The following CLTC variants were observed in gnomAD, a reference collection of about 807,000 sequenced individuals.
CLTC encodes the protein clathrin heavy chain.
A neutral mutation model predicts 195.8 loss-of-function variants in CLTC; 16 were observed. The ratio of observed to expected loss-of-function variants is 0.08; its 90% CI spans 0.06 to 0.12. The LOEUF (loss-of-function observed/expected upper bound fraction) is 0.12. Among genes scored for constraint, CLTC ranks in the 10% least tolerant of loss-of-function variants. CLTC has a pLI of 1.00. For synonymous variants in CLTC, 667 were observed against 689.4 expected (o/e 0.97, Z 0.51); for missense variants, 796 against 2,027.0 (o/e 0.39, Z 11.66).
At chr17:59,640,373 T>C (rs916906002) in intron 1 of CLTC, among the ~76,000 whole-genome samples, 1 of 151,814 alleles carries the variant, frequency 6.6e-6, no homozygotes, top group Non-Finnish European at 1.5e-5. Context: ...AATTTAACCT[T>C]CTCTTAGCCA....
intron 30 of CLTC, chr17:59,686,933 T>G (rs1313493284): frequency 2.0e-5 from 18 of 909,662 alleles, no homozygotes; most frequent in Non-Finnish European, 2.2e-5. Context: ...TGTTGCTGAT[T>G]CTACCTTTTT....
intron 1 of CLTC, among the ~76,000 whole-genome samples, chr17:59,640,935 G>A (rs1259408394): frequency 2.0e-5 from 3 of 151,204 alleles, no homozygotes; most frequent in Non-Finnish European, 3.0e-5. Flanking sequence ...TCTGGCCAAC[G>A]TGGTCAAACC....
chr17:59,660,311 T>C (rs2032579963), intron 6 of CLTC, 80 bp from the exon 7 acceptor site: 1 of 1,246,190 alleles, frequency 8.0e-7, no homozygotes, highest in African/African-American at 1.5e-5. Context: ...TGACTCAGTA[T>C]TAACCTGTTC....
At chr17:59,634,014 T>C (rs796168989) in intron 1 of CLTC, among the ~76,000 whole-genome samples, 3 of 152,162 alleles carry the variant, frequency 2.0e-5, no homozygotes, top group African/African-American at 7.2e-5. Context: ...ACTCAAACAA[T>C]CTTCCCACCT....
At chr17:59,669,527 C>G (rs2032800070) in intron 14 of CLTC, among the ~76,000 whole-genome samples, 1 of 152,170 alleles carries the variant, frequency 6.6e-6, no homozygotes, top group African/African-American at 2.4e-5. Flanking sequence ...TTGAGAGATT[C>G]TGAACTCTAG....
At chr17:59,662,601 C>T (rs946266473) in intron 8 of CLTC, among the ~76,000 whole-genome samples, 3 of 152,158 alleles carry the variant, frequency 2.0e-5, no homozygotes, top group African/African-American at 4.8e-5. Flanking sequence ...ATTCTTTCAG[C>T]GTTAGTATAT....
chr17:59,629,111 G>A (rs1459000862), intron 1 of CLTC, among the ~76,000 whole-genome samples: 1 of 152,100 alleles, frequency 6.6e-6, no homozygotes, highest in Non-Finnish European at 1.5e-5. Context: ...ATTTAAAGAT[G>A]AATAATAAGG....
Position 59,694,367 on chromosome 17 carries a change from A to C in CLTC, c.*515A>C, listed in dbSNP as rs2033375483. 3 of 224,312 alleles carry C rather than the reference A, an allele frequency of 1.3e-5. No homozygotes were observed. The highest frequency in any genetic ancestry group is 4.5e-5 in the African/African-American group (2 of 44,828). The allele number at this position is 224,312 out of a possible 1,614,324, so 13.9% of individuals were successfully genotyped here. The stretch of plus-strand genomic sequence containing the variant: ...CACTAATCAGCACATCGTACACTGG[A>C]TTGCAGTGCTTCCCAGATTATTGAA... On this transcript the variant is annotated 3_prime_UTR_variant, in exon 32 of 32. Transcript: ENST00000269122.
At chr17:59,679,342 C>A (rs946139297) in intron 17 of CLTC, 55 bp from the exon 18 acceptor site, 1 of 1,419,604 alleles carries the variant, frequency 7.0e-7, no homozygotes, top group Non-Finnish European at 9.7e-7. Context: ...CTCTAAAATG[C>A]TATAAAAAGT....
intron 1 of CLTC, among the ~76,000 whole-genome samples, chr17:59,643,132 GGTGTGTGTGTGT>G (rs59380117): frequency 2.8e-5 from 4 of 142,232 alleles, no homozygotes; most frequent in African/African-American, 5.5e-5. Flanking sequence ...TCTTTTCTGG[GGTGTGTGTGTGT>G]GTGTGTGTGT....
chr17:59,650,781 A>C (rs771696403), intron 4 of CLTC, among the ~76,000 whole-genome samples: 1 of 152,150 alleles, frequency 6.6e-6, no homozygotes, highest in African/African-American at 2.4e-5. Flanking sequence ...TGACATTGGT[A>C]CAATTGTATA....
At chr17:59,691,534 G>A (rs570387046) in intron 31 of CLTC, among the ~76,000 whole-genome samples, 18 of 151,870 alleles carry the variant, frequency 1.2e-4, no homozygotes, top group Admixed American at 3.3e-4. Flanking sequence ...TGAGGCAGGA[G>A]AATCGCTTGA....
At chr17:59,660,874 T>C (rs2032591695) in intron 7 of CLTC, among the ~76,000 whole-genome samples, 1 of 152,242 alleles carries the variant, frequency 6.6e-6, no homozygotes, top group Non-Finnish European at 1.5e-5. Flanking sequence ...GGTGTTATAC[T>C]GTTTGACCTC....
In CLTC at chr17:59,649,929, A is replaced by T. The variant is rs564443653; in HGVS notation, c.682-1274A>T. The stretch of plus-strand genomic sequence containing the variant: ...AAAGTTCTACTAGAAAAAAGTTTCA[A>T]TGTCATTTTGAACAGTATCTGGAAA... On this transcript the variant is annotated intron_variant, in intron 4 of 31. Coordinates refer to ENST00000269122, the MANE Select transcript of CLTC (RefSeq NM_004859.4). Among the ~76,000 whole-genome samples the T allele has an allele frequency of 3.9e-5, 6 of 152,208 alleles. 1 individual carries two copies. The South Asian group carries it at 1.2e-3, about 31-fold the overall frequency.
rs189775719 is a variant in CLTC at position 59,650,874 on chromosome 17, C to T, written c.682-329C>T. On this transcript the variant is annotated intron_variant, in intron 4 of 31. Coordinates refer to ENST00000269122, the MANE Select transcript of CLTC (RefSeq NM_004859.4). ...TATGACTGTAGCGTCACACCCACTC[C>T]CCCTCTCTCACACCATCCCTAGCTC... Among the ~76,000 whole-genome samples, 135 of 152,220 alleles carry T rather than the reference C, an allele frequency of 8.9e-4. 1 individual carries two copies. Among genetic ancestry groups the T allele is most frequent in the Non-Finnish European group, 8.4e-4 (57 of 68,018 alleles).
In CLTC at chr17:59,683,863, T is replaced by G; in HGVS notation, c.4324-12T>G. 1.2e-6 allele frequency: 2 copies of G among 1,612,572 alleles called. No individual in the cohort carries two copies. The highest frequency in any genetic ancestry group is 8.5e-7 in the Non-Finnish European group (1 of 1,178,742). Reference sequence around the variant, plus strand: ...AATGTGCTATATTTGTAACAAACTCTTTATTTTAAAGGTTAAACAGCTACC... The same window carrying G: ...AATGTGCTATATTTGTAACAAACTCGTTATTTTAAAGGTTAAACAGCTACC... On this transcript the variant is annotated splice_polypyrimidine_tract_variant and intron_variant, in intron 27 of 31. Transcript: ENST00000269122. The surrounding 1 kb of genome is among the most constrained non-coding windows in gnomAD (Gnocchi z 6.1).
chr17:59,685,015 AAAAT>A lies in CLTC; in HGVS notation c.4435-39_4435-36del. ...TTGAGAACGGAATATAATGTTAAAC[AAAAT>A]ACTGATCTGGCATTTGGATGGCTTT... On this transcript the variant is annotated intron_variant, in intron 28 of 31. Transcript: ENST00000269122. This position sits in a 1 kb window ranked among gnomAD's most constrained non-coding sequence, Gnocchi z 5.0. 6.9e-7 allele frequency: 1 copy of A among 1,459,556 alleles called. No individual in the cohort carries two copies. Among genetic ancestry groups the A allele is most frequent in the Non-Finnish European group, 9.1e-7 (1 of 1,092,946 alleles). The allele number at this position is 1,459,556 out of a possible 1,614,324, so 90.4% of individuals were successfully genotyped here.
In CLTC at chr17:59,673,837, A is replaced by T. The variant is rs995142045; in HGVS notation, c.2418+65A>T. On this transcript the variant is annotated intron_variant, in intron 15 of 31. Coordinates refer to ENST00000269122, the MANE Select transcript of CLTC (RefSeq NM_004859.4). ...ATAGATTTTATTTCTCATATTCTGG[A>T]AATCCTTTTGAAACTCTGTGCTCAA... The T allele has an allele frequency of 3.4e-6, 3 of 873,184 alleles. No individual in the cohort carries two copies. The African/African-American group carries it at 5.1e-5, about 15-fold the overall frequency. The allele number at this position is 873,184 out of a possible 1,614,324, so 54.1% of individuals were successfully genotyped here. A position where few individuals can be genotyped will look rare whatever the true frequency, so the allele number is the denominator to read the frequency against.
chr17:59,674,623 T>G, intron 15 of CLTC, 78 bp from the exon 16 acceptor site: 1 of 1,313,850 alleles, frequency 7.6e-7, no homozygotes, highest in East Asian at 2.6e-5. Flanking sequence ...TTAAAAGCGA[T>G]AGAGATAAAT....
Sources: gnomAD v4.1 joint callset for allele counts (sites outside exome capture counted in the v4.1 genomes callset) on GRCh38, gnomAD v4.1.1 for gene constraint, Gnocchi (gnomAD v3.1) non-coding constraint, MANE v1.5 for transcripts, NCBI Gene and HGNC (gene_info 2026-07-23, HGNC 2026-07-21) for gene names.